RIC1: variants seen among roughly 807,000 people sequenced by gnomAD.
RIC1 encodes RIC1 partner of RAB6A GEF complex.
RIC1 carries 88 observed loss-of-function variants against 169.0 expected under a neutral mutation model. The ratio of observed to expected loss-of-function variants is 0.52; its 90% CI spans 0.44 to 0.62. RIC1 has a LOEUF of 0.62. Ranked by LOEUF, RIC1 falls within the 20% of genes least tolerant of loss-of-function variation. The pLI is 0.00. For synonymous variants in RIC1, 790 were observed against 601.5 expected (o/e 1.31, Z -4.59); for missense variants, 1,877 against 1,725.5 (o/e 1.09, Z -1.56).
rs1827583817 is a variant in RIC1 at position 5,776,326 on chromosome 9, TG to T, written c.*2082del. On this transcript the variant is annotated 3_prime_UTR_variant, in exon 26 of 26. Transcript: ENST00000414202. ...AAAAACCCATTTTTATTGTGGTGTT[TG>T]GTTCACATATCAACTGTTTAAGCCA... 6.6e-6 allele frequency: 1 copy of T among 152,152 alleles called. No homozygotes were observed. 9.4% of individuals were successfully genotyped at this position (152,152 alleles called of 1,614,324 possible).
At chr9:5,692,822 C>A (rs1382621985) in intron 3 of RIC1, among the ~76,000 whole-genome samples, 1 of 152,028 alleles carries the variant, frequency 6.6e-6, no homozygotes, top group Non-Finnish European at 1.5e-5. Context: ...CCATTATAAA[C>A]CCTTCTGTAG....
At position 5,754,913 on chromosome 9, in the gene RIC1, A is replaced by G; in HGVS notation, c.1675A>G (p.Asn559Asp). 6.4e-7 allele frequency: 1 copy of G among 1,555,430 alleles called. No homozygotes were observed. The stretch of plus-strand genomic sequence containing the variant: ...TATGGTCCTTGCGTGTTATAACATA[A>G]ATGACCGTCAAGAAGAGGTAAGTTT... ...DFMVLACYNI[N>D]DRQEELRVYL... The change falls in exon 15 of 26, where the codon AAT becomes GAT. Residue 559 changes from asparagine to aspartate, a missense_variant. This residue lies in a region of RIC1 where 1,104 missense variants were observed against 992.0 expected (regional missense o/e 1.11). Coordinates refer to ENST00000414202, the MANE Select transcript of RIC1 (RefSeq NM_020829.4).
chr9:5,680,737 G>A (rs946199098), intron 2 of RIC1, among the ~76,000 whole-genome samples: 5 of 144,980 alleles, frequency 3.4e-5, no homozygotes, highest in African/African-American at 5.1e-5. Flanking sequence ...ATTCTTCTCC[G>A]TTTTCTTCTT....
At chr9:5,776,616 A>G (rs1827602946), downstream of RIC1, 1 of 152,098 alleles carries the variant, frequency 6.6e-6, no homozygotes, top group African/African-American at 2.4e-5. Context: ...TCATTATATA[A>G]TTCTGCTTCT....
At chr9:5,724,404 C>T (rs182936037) in intron 6 of RIC1, among the ~76,000 whole-genome samples, 3 of 152,124 alleles carry the variant, frequency 2.0e-5, no homozygotes, top group Admixed American at 6.6e-5. Context: ...TTTGCACATT[C>T]ATTTTGTATC....
At chr9:5,767,081 A>G (rs182636057) in intron 21 of RIC1, among the ~76,000 whole-genome samples, 1 of 152,340 alleles carries the variant, frequency 6.6e-6, no homozygotes, top group African/African-American at 2.4e-5. Context: ...AATGCAACAA[A>G]CTTTTAAATT....
At position 5,746,098 on chromosome 9, in the gene RIC1, A is replaced by C. The variant is rs751886540; in HGVS notation, c.1248+15A>C. The C allele has an allele frequency of 1.3e-6, 2 of 1,586,308 alleles. No individual in the cohort carries two copies. On this transcript the variant is annotated intron_variant, in intron 11 of 25. Transcript: ENST00000414202. ...ACCCTTGTATGGTAAGTATATTTAA[A>C]GCTCTGATTTTTTAGTGTCTTTTGT... is the stretch of plus-strand genomic sequence containing the variant.
chr9:5,633,009 T>A (rs1586852064), intron 1 of RIC1, among the ~76,000 whole-genome samples: 1 of 152,320 alleles, frequency 6.6e-6, no homozygotes, highest in East Asian at 1.9e-4. Flanking sequence ...AGAGACATGT[T>A]ATATGTTAGT....
At chr9:5,703,917 G>C (rs894053065) in intron 3 of RIC1, among the ~76,000 whole-genome samples, 6 of 152,192 alleles carry the variant, frequency 3.9e-5, no homozygotes, top group African/African-American at 1.2e-4. Flanking sequence ...CCTGGAAGTA[G>C]AATTGCTAGG....
At chr9:5,641,327 A>C (rs1025605344) in intron 1 of RIC1, among the ~76,000 whole-genome samples, 1 of 151,914 alleles carries the variant, frequency 6.6e-6, no homozygotes, top group Non-Finnish European at 1.5e-5. Flanking sequence ...TCCTGACCTC[A>C]TGATCTGCCC....
chr9:5,756,188 T>A, intron 15 of RIC1, 24 bp from the exon 16 acceptor site: 1 of 1,468,758 alleles, frequency 6.8e-7, no homozygotes, highest in Non-Finnish European at 9.1e-7. Flanking sequence ...TTTTTATAAT[T>A]TTCTTCATTT....
At position 5,769,421 on chromosome 9, in the gene RIC1, A is replaced by G. The variant is rs759425408; in HGVS notation, c.3424+165A>G. The G allele has an allele frequency of 1.6e-4, 250 of 1,544,014 alleles. 1 individual carries two copies. The highest frequency in any genetic ancestry group is 1.5e-3 in the Middle Eastern group (9 of 5,906). On this transcript the variant is annotated intron_variant, in intron 22 of 25. Transcript: ENST00000414202. Reference sequence around the variant, plus strand: ...GAGTTGGAATGCCCACTGTTTGACCAAAGATGTAAATAAAGTAGAACCTAT... The same window carrying G: ...GAGTTGGAATGCCCACTGTTTGACCGAAGATGTAAATAAAGTAGAACCTAT...
At chr9:5,686,689 A>C (rs183258225) in intron 2 of RIC1, among the ~76,000 whole-genome samples, 3 of 151,656 alleles carry the variant, frequency 2.0e-5, no homozygotes. Flanking sequence ...ATGACGAGTT[A>C]GTGGGTGCAG....
intron 1 of RIC1, 32 bp downstream of exon 1, chr9:5,629,485 T>G (rs1340313671): frequency 2.0e-6 from 3 of 1,516,242 alleles, no homozygotes; most frequent in Non-Finnish European, 2.6e-6. Context: ...CTTTCGCCGC[T>G]GCCTCCCCGG....
chr9:5,729,633 T>A (rs1006316441), intron 6 of RIC1, among the ~76,000 whole-genome samples: 2 of 152,208 alleles, frequency 1.3e-5, no homozygotes, highest in Non-Finnish European at 2.9e-5. Flanking sequence ...AATATTTATA[T>A]TCAGTCATCT....
chr9:5,750,341 G>T (rs886122300), intron 12 of RIC1, among the ~76,000 whole-genome samples: 1 of 151,864 alleles, frequency 6.6e-6, no homozygotes, highest in African/African-American at 2.4e-5. Context: ...TGGTTTGATG[G>T]TTAGCTTGGC....
intron 12 of RIC1, among the ~76,000 whole-genome samples, chr9:5,752,115 A>G (rs1406140861): frequency 6.6e-6 from 1 of 152,188 alleles, no homozygotes; most frequent in East Asian, 1.9e-4. Flanking sequence ...TACTTTATCT[A>G]CATTGATATC....
chr9:5,640,794 T>C (rs761887003), intron 1 of RIC1, among the ~76,000 whole-genome samples: 31 of 152,178 alleles, frequency 2.0e-4, no homozygotes, highest in South Asian at 4.1e-4. Context: ...GTTGATGAAC[T>C]CTCTCAGCAT....
At chr9:5,726,065 A>T (rs1823959651) in intron 6 of RIC1, among the ~76,000 whole-genome samples, 1 of 152,236 alleles carries the variant, frequency 6.6e-6, no homozygotes, top group East Asian at 1.9e-4. Context: ...GATGTCTATT[A>T]GGACCACTTG....
Sources: gnomAD v4.1 joint callset for allele counts (sites outside exome capture counted in the v4.1 genomes callset) on GRCh38, gnomAD v4.1.1 for gene constraint, gnomAD v4.1.1 regional missense constraint, MANE v1.5 for transcripts, NCBI Gene and HGNC (gene_info 2026-07-23, HGNC 2026-07-21) for gene names.